Variants in EVPL observed in about 807,000 individuals in gnomAD.
The protein encoded by EVPL is envoplakin, also known as 210 kDa cornified envelope precursor protein.
A neutral mutation model predicts 129.7 loss-of-function variants in EVPL; 94 were observed. That is an observed-to-expected ratio of 0.72 (90% CI 0.61 to 0.86). The LOEUF (loss-of-function observed/expected upper bound fraction) is 0.86, where lower values mean the gene tolerates loss of function less well. Among genes scored for constraint, EVPL ranks in the 40% least tolerant of loss-of-function variants. The pLI is 0.00. For synonymous variants in EVPL, 1,172 were observed against 1,191.1 expected, an observed-to-expected ratio of 0.98 and a Z score of 0.33; for missense variants, 2,625 against 2,721.1, an observed-to-expected ratio of 0.96 and a Z score of 0.79.
chr17:76,015,036 T>A lies in EVPL; in HGVS notation c.2102A>T (p.His701Leu). ...GTTGTTCTGCAGGGCAGCGCATGCG[T>A]GCTCCGAGGCCTTCAGCGCGCGGTG... ...RLHRALKASE[H>L]ACAALQNNFQ... The change falls in exon 17 of 22, where the codon CAC becomes CTC. Residue 701 changes from histidine to leucine, a missense_variant. Physicochemically the swap from His to Leu is moderately conservative, Grantham distance 99 (BLOSUM62 -3). Transcript: ENST00000301607. 1 of 1,592,000 alleles carries A rather than the reference T, an allele frequency of 6.3e-7. No individual in the cohort carries two copies. Among genetic ancestry groups the A allele is most frequent in the Non-Finnish European group, 8.5e-7 (1 of 1,174,142 alleles).
chr17:76,023,348 G>A lies in EVPL; in HGVS notation c.424C>T (p.Leu142=). ...EYRALYEKMV[L]PPDVGPRVDW... The stretch of plus-strand genomic sequence containing the variant: ...ACCCTGGGTCCCACGTCGGGGGGCA[G>A]CACCATCTTCTCGTACAGGGCACGG... The change falls in exon 4 of 22, where the codon CTG becomes TTG. Residue 142 remains leucine (L), a synonymous_variant. Transcript: ENST00000301607. 1.2e-6 allele frequency: 2 copies of A among 1,613,954 alleles called. No homozygotes were observed. Among genetic ancestry groups the A allele is most frequent in the Non-Finnish European group, 1.7e-6 (2 of 1,180,020 alleles).
chr17:76,012,173 G>T, intron 18 of EVPL, 84 bp from the exon 19 acceptor site: 2 of 1,031,376 alleles, frequency 1.9e-6, no homozygotes, highest in South Asian at 2.9e-5. Flanking sequence ...CAGGGCCACA[G>T]TCAGGCAGAG....
rs1157429135 is a variant in EVPL, at chr17:76,017,908, G to A, written c.1541C>T (p.Pro514Leu). The stretch of plus-strand genomic sequence containing the variant: ...TGGGTTGGCCAGGTCTGAGCCAGAT[G>A]GAGCTGGGGGCAGAGGTGCTGGTGA... ...VESLRPSQQAPSGSDLANPQA... is the reference protein window; with the variant it reads ...VESLRPSQQALSGSDLANPQA... The change falls in exon 14 of 22, where the codon CCA becomes CTA. Residue 514 changes from proline (P) to leucine (L), a missense_variant. By Grantham distance (98) the Pro-to-Leu change is moderately conservative. This residue lies in a region of EVPL where 1,024 missense variants were observed against 997.5 expected (regional missense o/e 1.03). Coordinates refer to ENST00000301607, the MANE Select transcript of EVPL (RefSeq NM_001988.4). 3.1e-6 allele frequency: 5 copies of A among 1,613,904 alleles called. No individual in the cohort carries two copies. In the East Asian group the frequency reaches 8.9e-5, roughly 29 times the overall value.
chr17:76,009,649 G>C lies in EVPL; in HGVS notation c.3556C>G (p.Gln1186Glu), dbSNP rs1014644565. ...TCCTGGAGCTGCACTTTGGGCCTCT[G>C]CTTCTCCACCACGCTGTACTTGCTG... ...LHSKYSVVEK[Q>E]RPKVQLQERV... Residue 1186 changes from glutamine to glutamate, a missense_variant, in exon 22 of 22, where the codon CAG becomes GAG. Physicochemically the swap from Gln to Glu is conservative, Grantham distance 29. Around this residue, in one of 4 missense-constraint regions of EVPL, gnomAD observed 1,453 missense variants for 1,511.8 expected, o/e 0.96. Transcript: ENST00000301607. The surrounding 1 kb of genome is among the most constrained non-coding windows in gnomAD (Gnocchi z 5.9). 6.2e-7 allele frequency: 1 copy of C among 1,613,636 alleles called. No individual in the cohort carries two copies. The highest frequency in any genetic ancestry group is 8.5e-7 in the Non-Finnish European group (1 of 1,180,030).
At chr17:76,025,018 A>G (rs2066489274) in intron 1 of EVPL, among the ~76,000 whole-genome samples, 1 of 152,170 alleles carries the variant, frequency 6.6e-6, no homozygotes, top group South Asian at 2.1e-4. Flanking sequence ...AGGCAAAGGG[A>G]CAGTGCTGGT....
Position 76,008,004 on chromosome 17 carries a change from TC to T in EVPL, c.5200del (p.Glu1734ArgfsTer47), listed in dbSNP as rs1162927478. On this transcript the variant is annotated frameshift_variant, in exon 22 of 22. Coordinates refer to ENST00000301607, the MANE Select transcript of EVPL (RefSeq NM_001988.4). LOFTEE classifies it low-confidence loss of function (END_TRUNC). The surrounding 1 kb of genome is among the most constrained non-coding windows in gnomAD (Gnocchi z 7.4). ...EEVTTSGPCGEESVLLDRKSG... is the reference protein window; with the variant it reads ...EEVTTSGPCGXESVLLDRKSG... ...CTTGCGGTCCAGGAGCACAGACTCC[TC>T]CCCACAGGGCCCCGAGGTGGTGACC... 1 of 1,613,924 alleles carries T rather than the reference TC, an allele frequency of 6.2e-7. No homozygotes were observed. The highest frequency in any genetic ancestry group is 8.5e-7 in the Non-Finnish European group (1 of 1,180,012).
In EVPL at chr17:76,007,118, C is replaced by T. The variant is rs778986574; in HGVS notation, c.6087G>A (p.Pro2029=). 2.4e-5 allele frequency: 35 copies of T among 1,483,562 alleles called. No individual in the cohort carries two copies. Among genetic ancestry groups the T allele is most frequent in the South Asian group, 2.1e-4 (15 of 69,872 alleles). The allele number at this position is 1,483,562 out of a possible 1,614,324, so 91.9% of individuals were successfully genotyped here. ...RCYRSASPTV[P]RSLR Reference sequence around the variant, plus strand: ...TTGGCCCGTGTCAGCGAAGGGAGCGCGGGACGGTGGGGGAGGCGGAGCGGT... The same window carrying T: ...TTGGCCCGTGTCAGCGAAGGGAGCGTGGGACGGTGGGGGAGGCGGAGCGGT... The change falls in exon 22 of 22, where the codon CCG becomes CCA. Residue 2029 remains proline, a synonymous_variant. Coordinates refer to ENST00000301607, the MANE Select transcript of EVPL (RefSeq NM_001988.4). This position sits in a 1 kb window ranked among gnomAD's most constrained non-coding sequence, Gnocchi z 8.8.
rs151322854 is a variant in EVPL, at chr17:76,011,043, T to C, written c.2662-500A>G. 6.9e-3 allele frequency among the ~76,000 whole-genome samples: 1,051 copies of C among 152,130 alleles called. 10 individuals carry two copies. Among genetic ancestry groups the C allele is most frequent in the African/African-American group, 0.024 (998 of 41,480 alleles). On this transcript the variant is annotated intron_variant, in intron 21 of 21. Coordinates refer to ENST00000301607, the MANE Select transcript of EVPL (RefSeq NM_001988.4). ...TGCCACTGCACTCCAGCCTTGGTGA[T>C]AGAGCGAGACTCCGTCTCAAAAAAA...
Position 76,022,638 on chromosome 17 carries a change from C to T in EVPL, c.481-100G>A, listed in dbSNP as rs2066470776. 1.8e-5 allele frequency: 27 copies of T among 1,471,496 alleles called. No homozygotes were observed. Among genetic ancestry groups the T allele is most frequent in the Non-Finnish European group, 2.4e-5 (26 of 1,106,236 alleles). The allele number at this position is 1,471,496 out of a possible 1,614,324, so 91.2% of individuals were successfully genotyped here. Reference sequence around the variant, plus strand: ...GGAGAAGTGGACTTGGTCATTTGGGCAGAGCGTGGACGAGCCTGGGAGCAG... The same window carrying T: ...GGAGAAGTGGACTTGGTCATTTGGGTAGAGCGTGGACGAGCCTGGGAGCAG... On this transcript the variant is annotated intron_variant, in intron 4 of 21. Transcript: ENST00000301607. This position sits in a 1 kb window ranked among gnomAD's most constrained non-coding sequence, Gnocchi z 5.6.
Position 76,006,917 on chromosome 17 carries a change from T to C in EVPL, c.*186A>G. The C allele has an allele frequency of 1.8e-6, 1 of 550,268 alleles. No individual in the cohort carries two copies. Among genetic ancestry groups the C allele is most frequent in the Non-Finnish European group, 2.8e-6 (1 of 359,966 alleles). The allele number at this position is 550,268 out of a possible 1,614,324, so 34.1% of individuals were successfully genotyped here. A position where few individuals can be genotyped will look rare whatever the true frequency, so the allele number is the denominator to read the frequency against. Reference sequence around the variant, plus strand: ...AGGAAGAACTGAGTGGCTGCTGTCCTGGTCTGGGGATGGATCAGGCACCAA... The same window carrying C: ...AGGAAGAACTGAGTGGCTGCTGTCCCGGTCTGGGGATGGATCAGGCACCAA... On this transcript the variant is annotated 3_prime_UTR_variant, in exon 22 of 22. Transcript: ENST00000301607.
At chr17:76,014,702 C>T in intron 17 of EVPL, 126 bp from the exon 18 acceptor site, 1 of 1,318,076 alleles carries the variant, frequency 7.6e-7, no homozygotes, top group Non-Finnish European at 1.0e-6. Flanking sequence ...GCCTGCTGTG[C>T]AGATCCCCAC....
chr17:76,008,926 C>A lies in EVPL; in HGVS notation c.4279G>T (p.Glu1427Ter), dbSNP rs1038681084. The change falls in exon 22 of 22, where the codon GAG becomes TAG. Residue 1427 changes from glutamate (E) to a stop codon, truncating the protein, a stop_gained. Transcript: ENST00000301607. LOFTEE classifies it low-confidence loss of function (END_TRUNC). The surrounding 1 kb of genome is among the most constrained non-coding windows in gnomAD (Gnocchi z 7.4). ...ACGGCCAGCTTCTTGCTGCGGTCCT[C>A]CTGGAAGCTGAGCAGGCCCTCCTGC... ...EEQEGLLSFQ[E>*]DRSKKLAVER... 1 of 1,612,778 alleles carries A rather than the reference C, an allele frequency of 6.2e-7. No individual in the cohort carries two copies. Among genetic ancestry groups the A allele is most frequent in the African/African-American group, 1.3e-5 (1 of 74,904 alleles).
rs2066320437 is a variant in EVPL at position 76,006,955 on chromosome 17, G to A, written c.*148C>T. On this transcript the variant is annotated 3_prime_UTR_variant, in exon 22 of 22. Coordinates refer to ENST00000301607, the MANE Select transcript of EVPL (RefSeq NM_001988.4). The stretch of plus-strand genomic sequence containing the variant: ...GATCAGGCACCAAGGTTAGGGGAGG[G>A]AGCCCATCACCATGTTAGTAAAATA... 1 of 918,084 alleles carries A rather than the reference G, an allele frequency of 1.1e-6. No homozygotes were observed. The allele number at this position is 918,084 out of a possible 1,614,324, so 56.9% of individuals were successfully genotyped here. A position where few individuals can be genotyped will look rare whatever the true frequency, so the allele number is the denominator to read the frequency against.
chr17:76,022,566 C>T lies in EVPL; in HGVS notation c.481-28G>A. On this transcript the variant is annotated intron_variant, in intron 4 of 21. Coordinates refer to ENST00000301607, the MANE Select transcript of EVPL (RefSeq NM_001988.4). The surrounding 1 kb of genome is among the most constrained non-coding windows in gnomAD (Gnocchi z 5.6). ...GCAGGAGAGCCGGCGGCTCAGTCCC[C>T]AAAGGACCGCGGTGGGGAGCCAGAG... The T allele has an allele frequency of 6.3e-7, 1 of 1,581,084 alleles. No individual in the cohort carries two copies. The highest frequency in any genetic ancestry group is 8.6e-7 in the Non-Finnish European group (1 of 1,164,688).
Position 76,010,328 on chromosome 17 carries a change from C to G in EVPL, c.2877G>C (p.Val959=). ...RPLERLEEKE[V]VEFYRDPQLE... is the part of the protein sequence containing the mutation. ...GCTGGGGGTCCCGGTAGAACTCTAC[C>G]ACTTCCTTCTCCTCCAGCCTCTCCA... The change falls in exon 22 of 22, where the codon GTG becomes GTC. Residue 959 remains valine (V), a synonymous_variant. Coordinates refer to ENST00000301607, the MANE Select transcript of EVPL (RefSeq NM_001988.4). 1 of 1,613,926 alleles carries G rather than the reference C, an allele frequency of 6.2e-7. No homozygotes were observed. The highest frequency in any genetic ancestry group is 2.2e-5 in the East Asian group (1 of 44,870).
chr17:76,025,785 C>T (rs1401882281), intron 1 of EVPL, among the ~76,000 whole-genome samples: 4 of 152,246 alleles, frequency 2.6e-5, no homozygotes, highest in African/African-American at 7.2e-5. Context: ...TGGACCCAGG[C>T]GGGCTGCTGC....
chr17:76,010,385 G>A lies in EVPL; in HGVS notation c.2820C>T (p.Ser940=), dbSNP rs1446692499. ...GCTGGGTCCTCAGCTGCAGCAGTTG[G>A]CTCCTCTGCGCCTCCAGCTCATGCT... The part of the protein sequence containing the change: ...RVQHELEAQR[S]QLLQLRTQRP... Residue 940 remains serine (S), a synonymous_variant, in exon 22 of 22, where the codon AGC becomes AGT. Coordinates refer to ENST00000301607, the MANE Select transcript of EVPL (RefSeq NM_001988.4). 1 of 1,613,896 alleles carries A rather than the reference G, an allele frequency of 6.2e-7. No individual in the cohort carries two copies. The highest frequency in any genetic ancestry group is 2.2e-5 in the East Asian group (1 of 44,862).
At chr17:76,018,639 G>C (rs2066435726) in intron 11 of EVPL, 39 bp from the exon 12 acceptor site, 1 of 1,564,296 alleles carries the variant, frequency 6.4e-7, no homozygotes, top group African/African-American at 1.4e-5. Context: ...GAGGGCTCAG[G>C]GGCAGGGGGC....
At position 76,021,960 on chromosome 17, in the gene EVPL, C is replaced by G. The variant is rs748857425; in HGVS notation, c.714G>C (p.Gln238His). Residue 238 changes from glutamine (Q) to histidine (H), a missense_variant, in exon 7 of 22, where the codon CAG (glutamine) becomes CAC (histidine). Gln to His is a conservative substitution (Grantham distance 24). Transcript: ENST00000301607. ...GCTGCTGCTCAGCCAGGGCGCTCAG[C>G]TGCCGCGTGCAGCCCTGGAGGTGCG... is the stretch of plus-strand genomic sequence containing the variant. The part of the protein sequence containing the change: ...LYTHLQGCTR[Q>H]LSALAEQQRR... The G allele has an allele frequency of 7.1e-6, 11 of 1,560,058 alleles. No individual in the cohort carries two copies. The highest frequency in any genetic ancestry group is 5.4e-5 in the African/African-American group (4 of 73,864).
Sources: gnomAD v4.1 joint callset for allele counts (sites outside exome capture counted in the v4.1 genomes callset) on GRCh38, gnomAD v4.1.1 for gene constraint, gnomAD v4.1.1 regional missense constraint, Gnocchi (gnomAD v3.1) non-coding constraint, MANE v1.5 for transcripts, NCBI Gene and HGNC (gene_info 2026-07-23, HGNC 2026-07-21) for gene names.